The following FANCC variants were observed in gnomAD, a reference collection of about 807,000 sequenced individuals.
The protein encoded by FANCC is FA complementation group C, also known as Fanconi anemia group C protein.
In FANCC, 55 loss-of-function variants were observed where a neutral mutation model predicts 71.3. The ratio of observed to expected loss-of-function variants is 0.77; its 90% confidence interval spans 0.62 to 0.97. FANCC has a LOEUF of 0.97. Ranked by LOEUF, FANCC falls within the 50% of genes least tolerant of loss-of-function variation. FANCC has a pLI of 0.00. For missense variants in FANCC, 678 were observed against 670.9 expected (o/e 1.01, Z -0.12); for synonymous variants, 275 against 244.9 (o/e 1.12, Z -1.15).
intron 3 of FANCC, among the ~76,000 whole-genome samples, chr9:95,244,747 T>C (rs1385874670): frequency 7.3e-6 from 1 of 136,382 alleles, no homozygotes; most frequent in African/African-American, 2.8e-5. Context: ...TGAATTAATA[T>C]GTATGTGCAA....
chr9:95,168,728 C>T (rs1415604186), intron 6 of FANCC, among the ~76,000 whole-genome samples: 1 of 152,198 alleles, frequency 6.6e-6, no homozygotes, highest in Non-Finnish European at 1.5e-5. Context: ...GCGGTTTTGA[C>T]ATGTTGGCCA....
intron 1 of FANCC, among the ~76,000 whole-genome samples, chr9:95,257,449 T>C (rs1831733337): frequency 1.3e-5 from 2 of 152,048 alleles, no homozygotes; most frequent in Admixed American, 1.3e-4. Flanking sequence ...AATAATGAAA[T>C]GAAGGCAGAA....
At position 95,110,385 on chromosome 9, in the gene FANCC, G is replaced by A. The variant is rs139681159; in HGVS notation, c.1329+1078C>T. On this transcript the variant is annotated intron_variant, in intron 13 of 14. Transcript: ENST00000289081. ...GGGCTTTAAAAACCATATGTGCCCC[G>A]TACATCTTATTACTGTTAAAAACAT... 8.8e-4 allele frequency: 902 copies of A among 1,023,228 alleles called. 11 individuals are homozygous for A. The African/African-American group carries it at 0.012, about 14-fold the overall frequency. The allele number at this position is 1,023,228 out of a possible 1,614,324, so 63.4% of individuals were successfully genotyped here.
At chr9:95,216,688 A>C (rs1828884316) in intron 4 of FANCC, among the ~76,000 whole-genome samples, 1 of 152,214 alleles carries the variant, frequency 6.6e-6, no homozygotes, top group Non-Finnish European at 1.5e-5. Flanking sequence ...TGAGCAATAC[A>C]AGCTGTAGGT....
At chr9:95,156,727 C>A (rs1319508337) in intron 6 of FANCC, among the ~76,000 whole-genome samples, 1 of 152,116 alleles carries the variant, frequency 6.6e-6, no homozygotes, top group African/African-American at 2.4e-5. Context: ...CAAGTGTATT[C>A]TTCTATCTCA....
intron 1 of FANCC, among the ~76,000 whole-genome samples, chr9:95,315,397 T>A (rs781510364): frequency 7.9e-5 from 12 of 152,146 alleles, no homozygotes; most frequent in Admixed American, 1.3e-4. Context: ...GCTAATTTCT[T>A]AACTTTTTGT....
intron 4 of FANCC, among the ~76,000 whole-genome samples, chr9:95,237,528 T>C (rs982080273): frequency 1.3e-5 from 2 of 152,242 alleles, no homozygotes; most frequent in African/African-American, 4.8e-5. Flanking sequence ...ACAGCTGCCC[T>C]GTCCAACACG....
chr9:95,136,200 G>C lies in FANCC; in HGVS notation c.687-698C>G, dbSNP rs187256865. On this transcript the variant is annotated intron_variant, in intron 7 of 14. Transcript: ENST00000289081. Reference sequence around the variant, plus strand: ...GAGCCCAGGAGTTCAAGACCAGCCTGGTCAAATAGTGAGGCCCTGCTTCTA... The same window carrying C: ...GAGCCCAGGAGTTCAAGACCAGCCTCGTCAAATAGTGAGGCCCTGCTTCTA... Among the ~76,000 whole-genome samples, 1,142 of 152,082 alleles carry C rather than the reference G, an allele frequency of 7.5e-3. 7 individuals carry two copies. The highest frequency in any genetic ancestry group is 0.013 in the Non-Finnish European group (911 of 67,972).
At chr9:95,156,596 T>C (rs2135486333) in intron 6 of FANCC, among the ~76,000 whole-genome samples, 1 of 152,284 alleles carries the variant, frequency 6.6e-6, no homozygotes, top group South Asian at 2.1e-4. Flanking sequence ...AACATGCTTT[T>C]TGAGCCCTTT....
In FANCC at chr9:95,160,425, C is replaced by T. The variant is rs1327599094; in HGVS notation, c.522-10338G>A. On this transcript the variant is annotated intron_variant, in intron 6 of 14. Coordinates refer to ENST00000289081, the MANE Select transcript of FANCC (RefSeq NM_000136.3). The stretch of plus-strand genomic sequence containing the variant: ...TACCAGTACCATGCTGTTTTGGTTA[C>T]TACAGACTTGTAGTACAGTTTGAAG... Among the ~76,000 whole-genome samples the T allele has an allele frequency of 2.0e-5, 3 of 152,194 alleles. No individual in the cohort carries two copies. The South Asian group carries it at 6.2e-4, about 32-fold the overall frequency.
chr9:95,129,321 G>T (rs753140909), intron 8 of FANCC, among the ~76,000 whole-genome samples: 1 of 152,130 alleles, frequency 6.6e-6, no homozygotes, highest in Non-Finnish European at 1.5e-5. Flanking sequence ...ATGTCCCAGC[G>T]ACATCAAATC....
At chr9:95,208,159 G>A (rs1368007745) in intron 4 of FANCC, among the ~76,000 whole-genome samples, 1 of 119,686 alleles carries the variant, frequency 8.4e-6, no homozygotes, top group Non-Finnish European at 1.6e-5. Context: ...GTGCAATGGT[G>A]CAATCTCGGC....
At chr9:95,137,449 G>A (rs1233169466) in intron 7 of FANCC, among the ~76,000 whole-genome samples, 1 of 151,972 alleles carries the variant, frequency 6.6e-6, no homozygotes, top group Admixed American at 6.6e-5. Context: ...GCTTCAATTT[G>A]TCCAGGACCC....
chr9:95,144,096 G>A (rs1008568021), intron 7 of FANCC, among the ~76,000 whole-genome samples: 2 of 149,220 alleles, frequency 1.3e-5, no homozygotes, highest in Admixed American at 6.6e-5. Flanking sequence ...GTCAAAGAAA[G>A]CATGTGGTTT....
intron 10 of FANCC, chr9:95,123,852 C>A: frequency 1.6e-6 from 1 of 616,500 alleles, no homozygotes; most frequent in East Asian, 3.4e-5. Flanking sequence ...CCACAACCCC[C>A]ACCAAAGCCC....
At chr9:95,259,302 G>C (rs994217824) in intron 1 of FANCC, among the ~76,000 whole-genome samples, 2 of 152,072 alleles carry the variant, frequency 1.3e-5, no homozygotes, top group African/African-American at 4.8e-5. Flanking sequence ...ATACTACAAG[G>C]CTACAGGAAC....
chr9:95,123,743 C>A, intron 10 of FANCC: 1 of 693,698 alleles, frequency 1.4e-6, no homozygotes, highest in South Asian at 1.4e-5. Flanking sequence ...ACATTACTGT[C>A]TGAGTTGTGC....
At position 95,099,412 on chromosome 9, in the gene FANCC, G is replaced by A. The variant is rs1037540085; in HGVS notation, c.*2295C>T. 9 of 226,702 alleles carry A rather than the reference G, an allele frequency of 4.0e-5. No homozygotes were observed. Among genetic ancestry groups the A allele is most frequent in the Admixed American group, 1.2e-4 (2 of 17,312 alleles). The allele number at this position is 226,702 out of a possible 1,614,324, so 14.0% of individuals were successfully genotyped here. A position where few individuals can be genotyped will look rare whatever the true frequency, so the allele number is the denominator to read the frequency against. On this transcript the variant is annotated 3_prime_UTR_variant, in exon 15 of 15. Transcript: ENST00000289081. ...CCTGTGCCCAGGCCCCGCCAACGCCGTCAAGGCCCCCTCGGCCACGCCGCG... is the reference window on the plus strand; with the variant it reads ...CCTGTGCCCAGGCCCCGCCAACGCCATCAAGGCCCCCTCGGCCACGCCGCG...
At chr9:95,113,117 C>T (rs931910343) in intron 12 of FANCC, among the ~76,000 whole-genome samples, 5 of 152,166 alleles carry the variant, frequency 3.3e-5, no homozygotes, top group Non-Finnish European at 5.9e-5. Flanking sequence ...TGTGGGGGGC[C>T]GACTGGCCAC....
Sources: gnomAD v4.1 joint callset for allele counts (sites outside exome capture counted in the v4.1 genomes callset) on GRCh38, gnomAD v4.1.1 for gene constraint, MANE v1.5 for transcripts, NCBI Gene and HGNC (gene_info 2026-07-23, HGNC 2026-07-21) for gene names.